Variants in CCDC171 observed in about 807,000 individuals in gnomAD.
CCDC171 encodes the protein coiled-coil domain containing 171.
A neutral mutation model predicts 168.2 loss-of-function variants in CCDC171; 177 were observed. The observed-to-expected ratio is 1.05, with a 90% CI of 0.93 to 1.19. The LOEUF (loss-of-function observed/expected upper bound fraction) is 1.19, where lower values mean the gene tolerates loss of function less well. Ranked by LOEUF, CCDC171 falls within the 50% of genes most tolerant of loss-of-function variation. CCDC171 has a pLI of 0.00. For missense variants in CCDC171, 1,991 were observed against 1,539.0 expected, an observed-to-expected ratio of 1.29 and a Z score of -4.91; for synonymous variants, 687 against 540.8, an observed-to-expected ratio of 1.27 and a Z score of -3.75.
intron 11 of CCDC171, among the ~76,000 whole-genome samples, chr9:15,697,515 C>G (rs1257227656): frequency 6.6e-6 from 1 of 152,144 alleles, no homozygotes; most frequent in African/African-American, 2.4e-5. Flanking sequence ...CATAAAACAG[C>G]TCTGTGCCTT....
At chr9:16,035,486 A>G (rs1833448671) in exon 7 of CCDC171, 1 of 152,176 alleles carries the variant, frequency 6.6e-6, no homozygotes, top group South Asian at 2.1e-4. Flanking sequence ...CACCTGTGAC[A>G]GCGCTCTTAT....
intron 6 of CCDC171, among the ~76,000 whole-genome samples, chr9:15,606,536 G>A (rs1190108021): frequency 1.3e-5 from 2 of 152,152 alleles, no homozygotes; most frequent in African/African-American, 4.8e-5. Context: ...AGATAATAAT[G>A]TAATAGATTA....
At chr9:15,997,959 G>T (rs1262841266) in intron 3 of CCDC171, among the ~76,000 whole-genome samples, 1 of 152,190 alleles carries the variant, frequency 6.6e-6, no homozygotes, top group East Asian at 1.9e-4. Flanking sequence ...CTTCTTGCCT[G>T]CTGGAGCCTG....
intron 6 of CCDC171, among the ~76,000 whole-genome samples, chr9:15,603,567 C>T (rs977305513): frequency 2.0e-5 from 3 of 152,166 alleles, no homozygotes; most frequent in Non-Finnish European, 4.4e-5. Flanking sequence ...ATCCATGTCC[C>T]TGCAAAAGAC....
chr9:15,567,555 T>C (rs1217532207), intron 2 of CCDC171, among the ~76,000 whole-genome samples: 5 of 152,222 alleles, frequency 3.3e-5, no homozygotes, highest in African/African-American at 1.2e-4. Flanking sequence ...TAATATTGAG[T>C]TTTCCTTACA....
intron 25 of CCDC171, among the ~76,000 whole-genome samples, chr9:15,924,317 A>G (rs1825662092): frequency 6.6e-6 from 1 of 151,248 alleles, no homozygotes; most frequent in South Asian, 2.1e-4. Flanking sequence ...GTTGCTAACT[A>G]TGTGGCTTGC....
intron 1 of CCDC171, among the ~76,000 whole-genome samples, chr9:16,044,224 A>T (rs994370469): frequency 3.9e-5 from 6 of 152,312 alleles, no homozygotes; most frequent in African/African-American, 1.2e-4. Flanking sequence ...TCATTGAAGG[A>T]TTCATTTTTG....
At chr9:15,922,357 T>G (rs1353692462) in intron 25 of CCDC171, among the ~76,000 whole-genome samples, 2 of 151,664 alleles carry the variant, frequency 1.3e-5, no homozygotes, top group East Asian at 1.9e-4. Context: ...TTTACTAACT[T>G]GAACTTTTTA....
Position 15,745,639 on chromosome 9 carries a change from TC to T in CCDC171, c.2671+10del. On this transcript the variant is annotated intron_variant, in intron 18 of 25. Transcript: ENST00000380701. ...ACGTCATTGGTAAAGCAGGTATGGTTCCTTCTTTTATGTCCTTGCAAAATAC... is the reference window on the plus strand; with the variant it reads ...ACGTCATTGGTAAAGCAGGTATGGTTCTTCTTTTATGTCCTTGCAAAATAC... 1 of 1,512,642 alleles carries T rather than the reference TC, an allele frequency of 6.6e-7. No individual in the cohort carries two copies. Among genetic ancestry groups the T allele is most frequent in the Non-Finnish European group, 8.9e-7 (1 of 1,121,702 alleles). 93.7% of individuals were successfully genotyped at this position (1,512,642 alleles called of 1,614,324 possible).
chr9:15,608,139 A>C (rs2043358570), intron 6 of CCDC171, among the ~76,000 whole-genome samples: 1 of 152,096 alleles, frequency 6.6e-6, no homozygotes, highest in Non-Finnish European at 1.5e-5. Flanking sequence ...ATAACCCATT[A>C]ACCCATTAAT....
chr9:15,702,988 C>G (rs1426060221), intron 11 of CCDC171, among the ~76,000 whole-genome samples: 1 of 151,940 alleles, frequency 6.6e-6, no homozygotes, highest in African/African-American at 2.4e-5. Flanking sequence ...ACTGCAACCT[C>G]CCTCTCCTGG....
chr9:15,646,955 T>G (rs1433770255), intron 7 of CCDC171, among the ~76,000 whole-genome samples: 1 of 152,212 alleles, frequency 6.6e-6, no homozygotes, highest in African/African-American at 2.4e-5. Flanking sequence ...TACATTCTTC[T>G]CAGCACCACA....
intron 21 of CCDC171, among the ~76,000 whole-genome samples, chr9:15,809,172 G>T (rs760973638): frequency 6.6e-6 from 1 of 152,124 alleles, no homozygotes; most frequent in Non-Finnish European, 1.5e-5. Context: ...TAGCAAGTGG[G>T]TATTGGAGTT....
At chr9:15,629,964 G>A (rs1417435437) in intron 7 of CCDC171, among the ~76,000 whole-genome samples, 3 of 152,204 alleles carry the variant, frequency 2.0e-5, no homozygotes, top group African/African-American at 7.2e-5. Context: ...ATCCTTTACA[G>A]AAAAGCAAAT....
chr9:15,989,471 T>TG (rs1340352875), intron 3 of CCDC171, among the ~76,000 whole-genome samples: 2 of 151,914 alleles, frequency 1.3e-5, no homozygotes, highest in East Asian at 3.9e-4. Flanking sequence ...CCCTCAAAGA[T>TG]GGGGAAAAAA....
intron 24 of CCDC171, among the ~76,000 whole-genome samples, chr9:15,882,848 T>G (rs536953708): frequency 6.7e-6 from 1 of 149,764 alleles, no homozygotes; most frequent in East Asian, 2.0e-4. Flanking sequence ...TTGTCTGATT[T>G]CTAGGTTTTT....
intron 20 of CCDC171, 100 bp from the exon 21 acceptor site, chr9:15,784,409 C>T: frequency 1.6e-6 from 1 of 641,728 alleles, no homozygotes; most frequent in Non-Finnish European, 2.5e-6. Flanking sequence ...TATCAAGTGC[C>T]TAGAAATGTT....
At chr9:15,739,867 A>G (rs2054739440) in intron 16 of CCDC171, among the ~76,000 whole-genome samples, 1 of 151,658 alleles carries the variant, frequency 6.6e-6, no homozygotes, top group Admixed American at 6.6e-5. Context: ...CCTCCTGAGT[A>G]TCTGGGACTA....
chr9:15,743,220 C>T (rs1244153721), intron 16 of CCDC171, among the ~76,000 whole-genome samples: 1 of 136,096 alleles, frequency 7.3e-6, no homozygotes, highest in East Asian at 2.3e-4. Flanking sequence ...GGCTGGAGTG[C>T]AGTGGCATAA....
Sources: allele counts gnomAD v4.1 joint callset (sites outside exome capture counted in the v4.1 genomes callset), GRCh38; gene constraint gnomAD v4.1.1; transcripts MANE v1.5; gene names NCBI Gene and HGNC (gene_info 2026-07-23, HGNC 2026-07-21).